The following GPAT4 variants were observed in gnomAD, a reference collection of about 807,000 sequenced individuals.
GPAT4 encodes the protein glycerol-3-phosphate acyltransferase 4, also known as 1-AGP acyltransferase 6.
In GPAT4, 17 loss-of-function variants were observed where a neutral mutation model predicts 58.0. That is an observed-to-expected ratio of 0.29 (90% CI 0.20 to 0.44). The LOEUF is 0.44. GPAT4 is among the 20% of genes least tolerant of loss of function. The pLI, the probability that GPAT4 is intolerant of heterozygous loss-of-function variation, is 1.00. For missense variants in GPAT4, 377 were observed against 574.5 expected (o/e 0.66, Z 3.51); for synonymous variants, 204 against 210.1 (o/e 0.97, Z 0.25).
chr8:41,587,322 A>G (rs1802681194), intron 1 of GPAT4, among the ~76,000 whole-genome samples: 1 of 152,236 alleles, frequency 6.6e-6, no homozygotes, highest in Non-Finnish European at 1.5e-5. Context: ...CAAAAGTGGT[A>G]GTTGAAAACC....
rs890222 is a variant in GPAT4, at chr8:41,623,518, G to T, written c.*2517G>T. On this transcript the variant is annotated 3_prime_UTR_variant, in exon 13 of 13. Coordinates refer to ENST00000396987, the MANE Select transcript of GPAT4 (RefSeq NM_178819.4). ...TCACTTCTCTGCATCCGTCTCCTGA[G>T]TCATAACTAGGGACTTGGCTAGATG... 44,321 of 152,040 alleles carry T rather than the reference G, an allele frequency of 0.29. 6,621 individuals are homozygous for T. Among genetic ancestry groups the T allele is most frequent in the Middle Eastern group, 0.41 (119 of 292 alleles). 9.4% of individuals were successfully genotyped at this position (152,040 alleles called of 1,614,324 possible).
chr8:41,614,883 A>G, intron 9 of GPAT4, 80 bp from the exon 10 acceptor site: 2 of 1,174,308 alleles, frequency 1.7e-6, no homozygotes, highest in South Asian at 2.7e-5. Flanking sequence ...TTTGACTATT[A>G]TACTTAGTCT....
At chr8:41,615,144 C>A (rs1803557376) in intron 10 of GPAT4, 96 bp downstream of exon 10, 1 of 1,122,134 alleles carries the variant, frequency 8.9e-7, no homozygotes, top group Non-Finnish European at 1.3e-6. Context: ...GGTCACCAGT[C>A]TGTGGTCGAT....
chr8:41,624,489 T>A lies in GPAT4; in HGVS notation c.*3488T>A, dbSNP rs1803853972. The A allele has an allele frequency of 6.6e-6, 1 of 152,004 alleles. No individual in the cohort carries two copies. The highest frequency in any genetic ancestry group is 1.5e-5 in the Non-Finnish European group (1 of 67,986). 9.4% of individuals were successfully genotyped at this position (152,004 alleles called of 1,614,324 possible). On this transcript the variant is annotated 3_prime_UTR_variant, in exon 13 of 13. Coordinates refer to ENST00000396987, the MANE Select transcript of GPAT4 (RefSeq NM_178819.4). ...CTAGTGTCCCCTGATGCATGAAGGATCCCCCCATGTCATAGGTCCCACCTG... is the reference window on the plus strand; with the variant it reads ...CTAGTGTCCCCTGATGCATGAAGGAACCCCCCATGTCATAGGTCCCACCTG...
intron 8 of GPAT4, 82 bp from the exon 9 acceptor site, chr8:41,614,304 A>T (rs1803531579): frequency 8.2e-7 from 1 of 1,224,680 alleles, no homozygotes; most frequent in African/African-American, 1.5e-5. Flanking sequence ...CTAGTGTCAC[A>T]AATAAATAGG....
In GPAT4 at chr8:41,602,164, A is replaced by G. The variant is rs1258493865; in HGVS notation, c.165+2860A>G. Reference sequence around the variant, plus strand: ...AAGACAGGGTTTCGCCATGTTGCTCAGGCTGGTCTTGAACTCCTGGCCTCA... The same window carrying G: ...AAGACAGGGTTTCGCCATGTTGCTCGGGCTGGTCTTGAACTCCTGGCCTCA... On this transcript the variant is annotated intron_variant, in intron 2 of 12. Coordinates refer to ENST00000396987, the MANE Select transcript of GPAT4 (RefSeq NM_178819.4). Among the ~76,000 whole-genome samples, 3 of 152,176 alleles carry G rather than the reference A, an allele frequency of 2.0e-5. No individual in the cohort carries two copies. In the East Asian group the frequency reaches 5.8e-4, roughly 29 times the overall value.
chr8:41,607,492 A>G (rs1406110292), intron 2 of GPAT4, among the ~76,000 whole-genome samples: 1 of 151,742 alleles, frequency 6.6e-6, no homozygotes, highest in African/African-American at 2.4e-5. Context: ...TGCCTATTGC[A>G]GTCTCATGGA....
chr8:41,604,555 A>C (rs1043990789), intron 2 of GPAT4, among the ~76,000 whole-genome samples: 1 of 152,266 alleles, frequency 6.6e-6, no homozygotes, highest in African/African-American at 2.4e-5. Context: ...TACTAGGAGT[A>C]GAATTCCCAG....
intron 2 of GPAT4, among the ~76,000 whole-genome samples, chr8:41,604,300 C>T (rs1803194476): frequency 6.6e-6 from 1 of 152,158 alleles, no homozygotes; most frequent in South Asian, 2.1e-4. Flanking sequence ...ACTAGTTCTC[C>T]CTATATAAAG....
In GPAT4 at chr8:41,624,455, T is replaced by G. The variant is rs1184850803; in HGVS notation, c.*3454T>G. 6.6e-6 allele frequency: 1 copy of G among 152,260 alleles called. No homozygotes were observed. Among genetic ancestry groups the G allele is most frequent in the Admixed American group, 6.5e-5 (1 of 15,286 alleles). 9.4% of individuals were successfully genotyped at this position (152,260 alleles called of 1,614,324 possible). ...TGGCCAGGAACTTGATTTTCTGGGC[T>G]ATTGCTTGCTAGTGTCCCCTGATGC... On this transcript the variant is annotated 3_prime_UTR_variant, in exon 13 of 13. Transcript: ENST00000396987.
chr8:41,582,058 G>C (rs542045342), intron 1 of GPAT4, among the ~76,000 whole-genome samples: 17 of 126,570 alleles, frequency 1.3e-4, no homozygotes, highest in Admixed American at 8.1e-4. Context: ...GCCCAGGCCT[G>C]AGTGCGGTGG....
intron 1 of GPAT4, among the ~76,000 whole-genome samples, chr8:41,583,372 G>A (rs1802574503): frequency 6.6e-6 from 1 of 150,944 alleles, no homozygotes; most frequent in South Asian, 2.1e-4. Flanking sequence ...CCCAGCTGCT[G>A]GTATCTATTA....
intron 2 of GPAT4, among the ~76,000 whole-genome samples, chr8:41,603,024 T>G (rs1450174298): frequency 6.6e-6 from 1 of 152,186 alleles, no homozygotes; most frequent in Non-Finnish European, 1.5e-5. Context: ...ACCTTGGGGC[T>G]TAGGTTTCAA....
chr8:41,616,346 G>A (rs1196349681), intron 10 of GPAT4, among the ~76,000 whole-genome samples: 1 of 152,196 alleles, frequency 6.6e-6, no homozygotes, highest in Non-Finnish European at 1.5e-5. Context: ...ACCCAGGCTG[G>A]AGTGCAGTGG....
At chr8:41,587,719 G>A (rs963796832) in intron 1 of GPAT4, among the ~76,000 whole-genome samples, 1 of 152,136 alleles carries the variant, frequency 6.6e-6, no homozygotes, top group Non-Finnish European at 1.5e-5. Context: ...TGCTCCCCAA[G>A]GGGGTAAAAA....
intron 5 of GPAT4, 64 bp downstream of exon 5, chr8:41,610,874 C>T (rs774839353): frequency 2.8e-5 from 41 of 1,487,990 alleles, no homozygotes; most frequent in Non-Finnish European, 3.1e-5. Flanking sequence ...GCTCAGATAT[C>T]GAAGGCAAGG....
chr8:41,603,395 G>A (rs1291590483), intron 2 of GPAT4, among the ~76,000 whole-genome samples: 3 of 151,876 alleles, frequency 2.0e-5, no homozygotes, highest in East Asian at 1.9e-4. Context: ...GCGTAGTGAC[G>A]CACATCTGTA....
chr8:41,600,615 C>T (rs552291404), intron 2 of GPAT4, among the ~76,000 whole-genome samples: 3 of 150,944 alleles, frequency 2.0e-5, no homozygotes, highest in African/African-American at 4.9e-5. Flanking sequence ...TTAAGAAAAC[C>T]AAGGGGAAAT....
Position 41,618,950 on chromosome 8 carries a change from G to A in GPAT4, c.1235G>A (p.Arg412Lys). ...FANRVKSAIA[R>K]QGGLVDLLWD... is the part of the protein sequence containing the mutation. ...AATAGGGTGAAATCTGCCATTGCCA[G>A]GCAGGGAGGACTTGTGGACCTGCTG... is the stretch of plus-strand genomic sequence containing the variant. Residue 412 changes from arginine (R) to lysine (K), a missense_variant, in exon 12 of 13, where the codon AGG (arginine) becomes AAG (lysine). Coordinates refer to ENST00000396987, the MANE Select transcript of GPAT4 (RefSeq NM_178819.4). 6.2e-7 allele frequency: 1 copy of A among 1,614,218 alleles called. No individual in the cohort carries two copies. The highest frequency in any genetic ancestry group is 8.5e-7 in the Non-Finnish European group (1 of 1,180,028).
Sources: allele counts gnomAD v4.1 joint callset (sites outside exome capture counted in the v4.1 genomes callset), GRCh38; gene constraint gnomAD v4.1.1; transcripts MANE v1.5; gene names NCBI Gene and HGNC (gene_info 2026-07-23, HGNC 2026-07-21).